Variants in LUZP2 observed in about 807,000 individuals in gnomAD.
LUZP2 encodes leucine zipper protein 2.
A neutral mutation model predicts 51.6 loss-of-function variants in LUZP2; 52 were observed. The ratio of observed to expected loss-of-function variants is 1.01; its 90% CI spans 0.81 to 1.27. The LOEUF (loss-of-function observed/expected upper bound fraction) is 1.27, where lower values mean the gene tolerates loss of function less well. Among genes scored for constraint, LUZP2 ranks in the 50% most tolerant of loss-of-function variants. The probability of loss-of-function intolerance (pLI) is 0.00; values close to 1 mark genes in which losing one functional copy is unlikely to be tolerated. For synonymous variants in LUZP2, 154 were observed against 137.3 expected, an observed-to-expected ratio of 1.12 and a Z score of -0.85; for missense variants, 436 against 395.4, an observed-to-expected ratio of 1.10 and a Z score of -0.87.
chr11:24,664,710 A>G (rs1856153671), intron 1 of LUZP2, among the ~76,000 whole-genome samples: 1 of 152,188 alleles, frequency 6.6e-6, no homozygotes, highest in Non-Finnish European at 1.5e-5. Flanking sequence ...GCTTCAGATG[A>G]TAAAAGCCCT....
At chr11:24,983,865 C>G (rs1035146383) in intron 9 of LUZP2, among the ~76,000 whole-genome samples, 2 of 149,292 alleles carry the variant, frequency 1.3e-5, no homozygotes, top group Admixed American at 6.7e-5. Context: ...TTTCAAAGTC[C>G]CAGGGGATTT....
intron 9 of LUZP2, among the ~76,000 whole-genome samples, chr11:25,044,614 A>G (rs1293806760): frequency 6.6e-6 from 1 of 152,072 alleles, no homozygotes; most frequent in Non-Finnish European, 1.5e-5. Flanking sequence ...TAATGGTGGG[A>G]CTGTAAACTA....
intron 6 of LUZP2, among the ~76,000 whole-genome samples, 161 bp downstream of exon 6, chr11:24,906,214 G>T: frequency 6.7e-6 from 1 of 150,224 alleles, no homozygotes; most frequent in South Asian, 2.1e-4. Context: ...TGGTATCTTT[G>T]TGTTTTAACA....
Position 24,961,658 on chromosome 11 carries a change from G to T in LUZP2, c.523-14933G>T, listed in dbSNP as rs1161682203. Among the ~76,000 whole-genome samples, 7 of 152,044 alleles carry T rather than the reference G, an allele frequency of 4.6e-5. 1 individual carries two copies. Among genetic ancestry groups the T allele is most frequent in the African/African-American group, 9.7e-5 (4 of 41,404 alleles). ...GTGTGTGTCTCTGCATGTGAGATGGGTTTCCTGATTATAGCTCATTGATGG... is the reference window on the plus strand; with the variant it reads ...GTGTGTGTCTCTGCATGTGAGATGGTTTTCCTGATTATAGCTCATTGATGG... On this transcript the variant is annotated intron_variant, in intron 7 of 11. Transcript: ENST00000336930.
At chr11:25,049,187 A>G (rs1185384819) in intron 9 of LUZP2, among the ~76,000 whole-genome samples, 6 of 152,102 alleles carry the variant, frequency 3.9e-5, no homozygotes, top group Non-Finnish European at 8.8e-5. Flanking sequence ...ATGGATAGAA[A>G]CCTAATTTCT....
intron 1 of LUZP2, among the ~76,000 whole-genome samples, chr11:24,540,408 C>T (rs1851321112): frequency 6.6e-6 from 1 of 152,024 alleles, no homozygotes; most frequent in Non-Finnish European, 1.5e-5. Flanking sequence ...GGTTTAATAA[C>T]CTAATAAGAA....
intron 7 of LUZP2, among the ~76,000 whole-genome samples, chr11:24,928,821 T>C (rs189874840): frequency 6.6e-6 from 1 of 152,102 alleles, no homozygotes; most frequent in Non-Finnish European, 1.5e-5. Context: ...CTTCTTTGAA[T>C]GTCTTATAGA....
intron 1 of LUZP2, among the ~76,000 whole-genome samples, chr11:24,725,905 G>A (rs924651625): frequency 6.6e-6 from 1 of 152,120 alleles, no homozygotes; most frequent in Non-Finnish European, 1.5e-5. Context: ...CGGGAAGGAA[G>A]ATGCTGTGGA....
chr11:24,983,095 T>G, intron 8 of LUZP2, 31 bp from the exon 9 acceptor site: 2 of 1,606,456 alleles, frequency 1.2e-6, no homozygotes, highest in Non-Finnish European at 1.7e-6. Flanking sequence ...CATAGCTAAA[T>G]GTAAATATGT....
At chr11:24,984,740 C>T (rs1856144409) in intron 9 of LUZP2, among the ~76,000 whole-genome samples, 2 of 151,066 alleles carry the variant, frequency 1.3e-5, no homozygotes, top group South Asian at 4.2e-4. Flanking sequence ...GAGTCTTCAA[C>T]GAAGTCCCTC....
At chr11:24,848,420 A>T (rs1479239903) in intron 5 of LUZP2, among the ~76,000 whole-genome samples, 1 of 151,956 alleles carries the variant, frequency 6.6e-6, no homozygotes, top group African/African-American at 2.4e-5. Flanking sequence ...TAGCCACCTC[A>T]TTACCTCTGC....
At chr11:24,905,676 C>T (rs1374145841) in intron 5 of LUZP2, among the ~76,000 whole-genome samples, 1 of 152,150 alleles carries the variant, frequency 6.6e-6, no homozygotes, top group Non-Finnish European at 1.5e-5. Flanking sequence ...AGGACGCAAA[C>T]ACCCACGCAC....
Position 25,054,681 on chromosome 11 carries a change from C to T in LUZP2, c.858+4551C>T, listed in dbSNP as rs1858623815. 2.0e-5 allele frequency among the ~76,000 whole-genome samples: 3 copies of T among 151,716 alleles called. No homozygotes were observed. The South Asian group carries it at 6.2e-4, about 31-fold the overall frequency. On this transcript the variant is annotated intron_variant, in intron 10 of 11. Coordinates refer to ENST00000336930, the MANE Select transcript of LUZP2 (RefSeq NM_001009909.4). ...CTTTCAATTTTTTAATTGATTTATC[C>T]TTATGCTAATACCGTATTTTCTTGT...
chr11:24,947,810 G>T (rs576384689), intron 7 of LUZP2, among the ~76,000 whole-genome samples: 12 of 151,882 alleles, frequency 7.9e-5, no homozygotes, highest in African/African-American at 2.4e-4. Context: ...TGTTTATCAT[G>T]AGAAAGCCGC....
At chr11:24,807,465 G>GAAAAAAAAAAAAAAAAAAAAAA (rs56048182) in intron 5 of LUZP2, among the ~76,000 whole-genome samples, 1 of 139,526 alleles carries the variant, frequency 7.2e-6, no homozygotes. Context: ...CATCTCAAAA[G>GAAAAAAAAAAAAAAAAAAAAAA]AAAAAAAAAA....
intron 1 of LUZP2, among the ~76,000 whole-genome samples, chr11:24,535,318 T>G (rs1283586042): frequency 6.6e-6 from 1 of 151,548 alleles, no homozygotes; most frequent in Non-Finnish European, 1.5e-5. Context: ...GTTTTGTCAA[T>G]TTACCATTGC....
chr11:24,596,603 C>A (rs188435021), intron 1 of LUZP2, among the ~76,000 whole-genome samples: 19 of 152,232 alleles, frequency 1.2e-4, no homozygotes, highest in African/African-American at 4.3e-4. Context: ...TGCCTTATAA[C>A]AGAGTGCCTA....
chr11:24,874,941 G>A (rs554752434), intron 5 of LUZP2, among the ~76,000 whole-genome samples: 6 of 151,714 alleles, frequency 4.0e-5, no homozygotes, highest in South Asian at 2.1e-4. Flanking sequence ...TTTTACTTTC[G>A]TCTGAGCAAA....
chr11:24,939,122 C>A (rs1357682410), intron 7 of LUZP2, among the ~76,000 whole-genome samples: 2 of 151,806 alleles, frequency 1.3e-5, no homozygotes, highest in African/African-American at 4.8e-5. Context: ...GTAGGAAGAA[C>A]CAGCATTTGG....
Sources: allele counts gnomAD v4.1 joint callset (sites outside exome capture counted in the v4.1 genomes callset), GRCh38; gene constraint gnomAD v4.1.1; transcripts MANE v1.5; gene names NCBI Gene and HGNC (gene_info 2026-07-23, HGNC 2026-07-21).